ELP4: variants seen among roughly 807,000 people sequenced by gnomAD.
ELP4 encodes the protein elongator complex protein 4.
In ELP4, 51 loss-of-function variants were observed where a neutral mutation model predicts 48.9. The observed-to-expected ratio is 1.04, with a 90% CI of 0.83 to 1.32. The LOEUF is 1.32. ELP4 is among the 40% of genes most tolerant of loss of function. The pLI, the probability that ELP4 is intolerant of heterozygous loss-of-function variation, is 0.00. For synonymous variants in ELP4, 210 were observed against 189.2 expected (o/e 1.11, Z -0.90); for missense variants, 519 against 514.6 (o/e 1.01, Z -0.08).
intron 1 of ELP4, among the ~76,000 whole-genome samples, chr11:31,515,598 G>A (rs528677109): frequency 1.3e-5 from 2 of 152,080 alleles, no homozygotes; most frequent in East Asian, 1.9e-4. Context: ...TGGGAGGTTC[G>A]AGCTGCAGTG....
At chr11:31,780,451 C>A (rs1011226266) in intron 9 of ELP4, among the ~76,000 whole-genome samples, 3 of 152,176 alleles carry the variant, frequency 2.0e-5, no homozygotes, top group African/African-American at 7.2e-5. Flanking sequence ...CAAAATCACA[C>A]ATAGATTCAC....
intron 3 of ELP4, among the ~76,000 whole-genome samples, chr11:31,593,227 CTGTTGTTGTTGTTGTTGTTGTTGT>C (rs61458094): frequency 2.0e-5 from 3 of 150,024 alleles, no homozygotes; most frequent in South Asian, 2.1e-4. Flanking sequence ...GTGAATAATA[CTGTTGTTGTTGTTGTTGTTGTTGT>C]TGTTGTTGTT....
At chr11:31,584,772 A>G (rs1253559707) in intron 3 of ELP4, among the ~76,000 whole-genome samples, 3 of 152,034 alleles carry the variant, frequency 2.0e-5, no homozygotes, top group Non-Finnish European at 2.9e-5. Flanking sequence ...TAATATGCCC[A>G]CCTCGGCTTC....
chr11:31,672,521 G>A (rs1248866664), intron 9 of ELP4, among the ~76,000 whole-genome samples: 14 of 152,216 alleles, frequency 9.2e-5, no homozygotes, highest in Admixed American at 8.5e-4. Flanking sequence ...CAAGCACGGT[G>A]GTTCCCACCT....
chr11:31,704,893 C>T (rs887990625), intron 9 of ELP4, among the ~76,000 whole-genome samples: 1 of 151,698 alleles, frequency 6.6e-6, no homozygotes, highest in South Asian at 2.1e-4. Context: ...CGCCTATAGT[C>T]CCAGCTACTT....
chr11:31,788,710 T>G lies in ELP4; in HGVS notation c.*5186T>G. ...CTAACTGGGAAATGTTACCATTTTG[T>G]ATATATGTTGTGGGTATAAATGGGC... On this transcript the variant is annotated 3_prime_UTR_variant, in exon 10 of 10. Coordinates refer to ENST00000640961, the MANE Select transcript of ELP4 (RefSeq NM_019040.5). 4.7e-6 allele frequency: 1 copy of G among 210,624 alleles called. No homozygotes were observed. Among genetic ancestry groups the G allele is most frequent in the African/African-American group, 2.3e-5 (1 of 44,198 alleles). The allele number at this position is 210,624 out of a possible 1,614,324, so 13.0% of individuals were successfully genotyped here. A position where few individuals can be genotyped will look rare whatever the true frequency, so the allele number is the denominator to read the frequency against.
At chr11:31,547,867 C>T (rs1172940452) in intron 3 of ELP4, among the ~76,000 whole-genome samples, 1 of 152,150 alleles carries the variant, frequency 6.6e-6, no homozygotes, top group African/African-American at 2.4e-5. Flanking sequence ...AGCATATAAA[C>T]AGAACCAAAG....
chr11:31,759,271 G>A (rs1947896429), intron 9 of ELP4, among the ~76,000 whole-genome samples: 1 of 152,144 alleles, frequency 6.6e-6, no homozygotes, highest in African/African-American at 2.4e-5. Context: ...AGCAAAATTA[G>A]AGAATATATT....
intron 9 of ELP4, among the ~76,000 whole-genome samples, chr11:31,722,759 G>A (rs1946996400): frequency 6.8e-6 from 1 of 147,890 alleles, no homozygotes; most frequent in South Asian, 2.1e-4. Flanking sequence ...CTGTATTGCT[G>A]TATTTATTTG....
intron 2 of ELP4, among the ~76,000 whole-genome samples, chr11:31,522,878 A>G (rs942742320): frequency 6.0e-5 from 9 of 149,610 alleles, no homozygotes; most frequent in Non-Finnish European, 1.2e-4. Context: ...TTTTTTTTTA[A>G]GAGATGAGTC....
rs371425015 is a variant in ELP4 at position 31,759,711 on chromosome 11, C to CT, written c.1144-23669dup. ...CTTTTCTTTTTCTTTTTTCTTTTTT[C>CT]TTTTTTTTTTTTTGAGACGGAGTCT... is the stretch of plus-strand genomic sequence containing the variant. On this transcript the variant is annotated intron_variant, in intron 9 of 9. Transcript: ENST00000640961. Among the ~76,000 whole-genome samples, 589 of 143,194 alleles carry CT rather than the reference C, an allele frequency of 4.1e-3. 2 individuals are homozygous for CT. Among genetic ancestry groups the CT allele is most frequent in the African/African-American group, 7.9e-3 (308 of 38,912 alleles). 93.9% of individuals were successfully genotyped at this position (143,194 alleles called of 152,430 possible).
intron 4 of ELP4, chr11:31,599,720 T>G (rs1419399248): frequency 6.6e-6 from 1 of 152,238 alleles, no homozygotes; most frequent in Non-Finnish European, 1.5e-5. Flanking sequence ...ACTGCCACTT[T>G]TAAACCATCA....
At chr11:31,578,863 C>T (rs1434969325) in intron 3 of ELP4, among the ~76,000 whole-genome samples, 4 of 152,214 alleles carry the variant, frequency 2.6e-5, no homozygotes, top group Non-Finnish European at 4.4e-5. Context: ...CAATACCATT[C>T]AGGACATAGG....
In ELP4 at chr11:31,658,535, A is replaced by C. The variant is rs369205041; in HGVS notation, c.1143+8314A>C. 1.8e-4 allele frequency among the ~76,000 whole-genome samples: 27 copies of C among 151,970 alleles called. No individual in the cohort carries two copies. The East Asian group carries it at 5.0e-3, about 28-fold the overall frequency. On this transcript the variant is annotated intron_variant, in intron 9 of 9. Transcript: ENST00000640961. ...GGATTTCTAAATCCAAAAGAAAGTG[A>C]GAAAGTATTGTATACAAAGAAATGT...
At chr11:31,613,958 G>A (rs1002660684) in intron 5 of ELP4, among the ~76,000 whole-genome samples, 1 of 151,934 alleles carries the variant, frequency 6.6e-6, no homozygotes, top group Non-Finnish European at 1.5e-5. Context: ...TGACCTGTTT[G>A]CCTTGGCCTC....
chr11:31,513,140 A>G (rs1956040888), intron 1 of ELP4, among the ~76,000 whole-genome samples: 1 of 152,178 alleles, frequency 6.6e-6, no homozygotes, highest in Non-Finnish European at 1.5e-5. Flanking sequence ...AGCTTGGACT[A>G]CATATTTAAC....
intron 9 of ELP4, among the ~76,000 whole-genome samples, chr11:31,760,330 A>G (rs951464470): frequency 3.3e-5 from 5 of 152,162 alleles, no homozygotes; most frequent in African/African-American, 4.8e-5. Flanking sequence ...TAGGCTCAAA[A>G]ACTCCTATTT....
chr11:31,536,162 G>A (rs1956497949), intron 2 of ELP4, among the ~76,000 whole-genome samples: 1 of 151,858 alleles, frequency 6.6e-6, no homozygotes, highest in Non-Finnish European at 1.5e-5. Flanking sequence ...TCAGCAAGTA[G>A]TTGATGGACA....
intron 9 of ELP4, among the ~76,000 whole-genome samples, chr11:31,777,343 G>C (rs1407386608): frequency 6.6e-6 from 1 of 152,144 alleles, no homozygotes; most frequent in African/African-American, 2.4e-5. Flanking sequence ...TATCCATAGA[G>C]CAGGGGAGAC....
Sources: allele counts gnomAD v4.1 joint callset (sites outside exome capture counted in the v4.1 genomes callset), GRCh38; gene constraint gnomAD v4.1.1; transcripts MANE v1.5; gene names NCBI Gene and HGNC (gene_info 2026-07-23, HGNC 2026-07-21).